The following KIF26B variants were observed in gnomAD, a reference collection of about 807,000 sequenced individuals.
The protein encoded by KIF26B is kinesin-like protein KIF26B.
KIF26B carries 63 observed loss-of-function variants against 151.2 expected under a neutral mutation model. That is an observed-to-expected ratio of 0.42 (90% confidence interval 0.34 to 0.51). The LOEUF (loss-of-function observed/expected upper bound fraction) is 0.51, where lower values mean the gene tolerates loss of function less well. KIF26B is among the 20% of genes least tolerant of loss of function. The pLI, the probability that KIF26B is intolerant of heterozygous loss-of-function variation, is 0.07. For synonymous variants in KIF26B, 1,357 were observed against 1,262.1 expected, an observed-to-expected ratio of 1.08 and a Z score of -1.59; for missense variants, 2,813 against 2,913.6, an observed-to-expected ratio of 0.97 and a Z score of 0.79.
chr1:245,252,860 A>G (rs1296255889), intron 2 of KIF26B, among the ~76,000 whole-genome samples: 1 of 152,126 alleles, frequency 6.6e-6, no homozygotes, highest in Non-Finnish European at 1.5e-5. Context: ...ATTAAGTATG[A>G]TGTTCACTGT....
At chr1:245,684,458 C>CAG in intron 11 of KIF26B, 63 bp downstream of exon 11, 1 of 1,477,318 alleles carries the variant, frequency 6.8e-7, no homozygotes, top group Non-Finnish European at 9.1e-7. Flanking sequence ...TGCCCTGGAA[C>CAG]AGAGTCAGAA....
chr1:245,515,679 T>A (rs1360355503), intron 4 of KIF26B, among the ~76,000 whole-genome samples: 1 of 152,216 alleles, frequency 6.6e-6, no homozygotes, highest in Non-Finnish European at 1.5e-5. Context: ...TTTTATACCA[T>A]CCTTGCAGTG....
At chr1:245,366,054 C>T (rs942882558) in intron 2 of KIF26B, among the ~76,000 whole-genome samples, 3 of 152,158 alleles carry the variant, frequency 2.0e-5, no homozygotes, top group Non-Finnish European at 4.4e-5. Context: ...AACCTCTGTT[C>T]GAGGTTGCAA....
intron 2 of KIF26B, among the ~76,000 whole-genome samples, chr1:245,246,930 GAC>G (rs1228603022): frequency 5.5e-5 from 8 of 144,274 alleles, no homozygotes; most frequent in South Asian, 2.2e-4. Flanking sequence ...CACAGACACA[GAC>G]ACACACAGAT....
intron 4 of KIF26B, among the ~76,000 whole-genome samples, chr1:245,477,519 G>A (rs1167027094): frequency 1.3e-5 from 2 of 151,822 alleles, no homozygotes; most frequent in Non-Finnish European, 2.9e-5. Context: ...AAAAGAACAA[G>A]GTAGCGCAGG....
At chr1:245,219,172 T>C (rs1431750782) in intron 2 of KIF26B, among the ~76,000 whole-genome samples, 1 of 143,638 alleles carries the variant, frequency 7.0e-6, no homozygotes, top group African/African-American at 2.7e-5. Context: ...GGAGTCTTGC[T>C]CTGTTGCCCA....
rs565351384 is a variant in KIF26B, at chr1:245,606,183, G to C, written c.1558-1468G>C. Among the ~76,000 whole-genome samples, 87 of 152,240 alleles carry C rather than the reference G, an allele frequency of 5.7e-4. 1 individual carries two copies. The South Asian group carries it at 0.016, about 28-fold the overall frequency. On this transcript the variant is annotated intron_variant, in intron 6 of 14. Transcript: ENST00000407071. This position sits in a 1 kb window ranked among gnomAD's most constrained non-coding sequence, Gnocchi z 4.6. ...TGTCCTGCCACCCCCTCTGGCCCAGGAGGAGCCCCCCGCCCCCCGCAGAGT... is the reference window on the plus strand; with the variant it reads ...TGTCCTGCCACCCCCTCTGGCCCAGCAGGAGCCCCCCGCCCCCCGCAGAGT...
intron 3 of KIF26B, among the ~76,000 whole-genome samples, chr1:245,408,752 G>A (rs957002245): frequency 9.2e-5 from 14 of 152,032 alleles, no homozygotes; most frequent in Non-Finnish European, 1.5e-4. Context: ...GGATGATGTG[G>A]GCCTGAGCTG....
At chr1:245,446,224 A>T (rs1659247619) in intron 4 of KIF26B, among the ~76,000 whole-genome samples, 2 of 152,226 alleles carry the variant, frequency 1.3e-5, no homozygotes, top group Non-Finnish European at 1.5e-5. Flanking sequence ...GTATTTGCAT[A>T]TCTGAACATA....
rs141431792 is a variant in KIF26B, at chr1:245,164,119, A to G, written c.465+7436A>G. Among the ~76,000 whole-genome samples the G allele has an allele frequency of 2.2e-3, 333 of 152,332 alleles. 2 individuals carry two copies. The highest frequency in any genetic ancestry group is 7.7e-3 in the African/African-American group (322 of 41,584). On this transcript the variant is annotated intron_variant, in intron 2 of 14. Coordinates refer to ENST00000407071, the MANE Select transcript of KIF26B (RefSeq NM_018012.4). ...CTGTCTATATTTTTTAAAGTTAAGT[A>G]AATATCCATCAATTCCTACTTTAGT... is the stretch of plus-strand genomic sequence containing the variant.
At chr1:245,251,104 A>T (rs1280970427) in intron 2 of KIF26B, among the ~76,000 whole-genome samples, 1 of 152,216 alleles carries the variant, frequency 6.6e-6, no homozygotes, top group African/African-American at 2.4e-5. Context: ...AGGAAAGCTC[A>T]TTAGAGACTT....
At chr1:245,214,861 A>G (rs1284276411) in intron 2 of KIF26B, among the ~76,000 whole-genome samples, 1 of 152,182 alleles carries the variant, frequency 6.6e-6, no homozygotes, top group African/African-American at 2.4e-5. Context: ...AAGTAAATAA[A>G]TAACGACATA....
rs1468185318 is a variant in KIF26B, at chr1:245,459,798, G to A, written c.1166+40053G>A. On this transcript the variant is annotated intron_variant, in intron 4 of 14. Coordinates refer to ENST00000407071, the MANE Select transcript of KIF26B (RefSeq NM_018012.4). ...TGGAGCTAGGCTTCTTCTCTCAGTG[G>A]TGGCACAGAAAAGGATGAAAGTCTC... 3.9e-5 allele frequency among the ~76,000 whole-genome samples: 6 copies of A among 152,168 alleles called. No individual in the cohort carries two copies. In the East Asian group the frequency reaches 1.2e-3, roughly 29 times the overall value.
chr1:245,661,133 C>A (rs1274460401), intron 10 of KIF26B, among the ~76,000 whole-genome samples: 1 of 151,900 alleles, frequency 6.6e-6, no homozygotes, highest in Admixed American at 6.6e-5. Context: ...ATTATTTGCG[C>A]CTGCCACCAT....
rs12736269 is a variant in KIF26B at position 245,689,019 on chromosome 1, G to C, written c.5824+212G>C. Among the ~76,000 whole-genome samples, 539 of 152,220 alleles carry C rather than the reference G, an allele frequency of 3.5e-3. 1 individual carries two copies. The highest frequency in any genetic ancestry group is 4.1e-3 in the Non-Finnish European group (280 of 67,992). On this transcript the variant is annotated intron_variant, in intron 12 of 14. Coordinates refer to ENST00000407071, the MANE Select transcript of KIF26B (RefSeq NM_018012.4). ...CCTGGCCTCTCCTTTCCCACGGCCC[G>C]GCACCCCGCGGGGCTCCGCCGGGGA... is the stretch of plus-strand genomic sequence containing the variant.
At chr1:245,674,016 A>T (rs1286365549) in intron 10 of KIF26B, 1 of 152,236 alleles carries the variant, frequency 6.6e-6, no homozygotes, top group African/African-American at 2.4e-5. Context: ...TCCCTTTTGC[A>T]TTGCTGCAGA....
chr1:245,415,555 G>A (rs1225203038), intron 3 of KIF26B, among the ~76,000 whole-genome samples: 1 of 152,066 alleles, frequency 6.6e-6, no homozygotes, highest in African/African-American at 2.4e-5. Context: ...ACAGGGAGGC[G>A]CCTTCTCGCT....
At chr1:245,416,907 G>A (rs2103034672) in intron 3 of KIF26B, among the ~76,000 whole-genome samples, 1 of 152,296 alleles carries the variant, frequency 6.6e-6, no homozygotes, top group East Asian at 1.9e-4. Context: ...TTTAGGTGGT[G>A]AGAGTCTATA....
At chr1:245,231,934 C>T (rs1000692991) in intron 2 of KIF26B, among the ~76,000 whole-genome samples, 2 of 152,214 alleles carry the variant, frequency 1.3e-5, no homozygotes. Flanking sequence ...CCTACGAGAA[C>T]TCAGGGACTA....
Sources: allele counts gnomAD v4.1 joint callset (sites outside exome capture counted in the v4.1 genomes callset), GRCh38; gene constraint gnomAD v4.1.1; non-coding constraint Gnocchi (gnomAD v3.1); transcripts MANE v1.5; gene names NCBI Gene and HGNC (gene_info 2026-07-23, HGNC 2026-07-21).